Variants in DEFB1 observed in about 807,000 individuals in gnomAD.
DEFB1 encodes the protein beta-defensin 1.
A neutral mutation model predicts 2.6 loss-of-function variants in DEFB1; 4 were observed. The observed-to-expected ratio is 1.53, with a 90% CI of 0.76 to 3.51. The LOEUF is 3.51. Among genes scored for constraint, DEFB1 ranks in the 30% most tolerant of loss-of-function variants. DEFB1 has a pLI of 0.01. For synonymous variants in DEFB1, 56 were observed against 28.5 expected, an observed-to-expected ratio of 1.96 and a Z score of -3.07; for missense variants, 162 against 76.9, an observed-to-expected ratio of 2.11 and a Z score of -4.14.
rs150863794 is a variant in DEFB1, at chr8:6,870,809, C to G, written c.79G>C (p.Gly27Arg). The part of the protein sequence containing the change: ...EMASGGNFLT[G>R]LGHRSDHYNC... ...TAATGATCAGATCTGTGGCCAAGGC[C>G]TGTGAGAAAGTTACCACCTGTAAGG... The change falls in exon 2 of 2, where the codon GGC (glycine) becomes CGC (arginine). Residue 27 changes from glycine (G) to arginine (R), a missense_variant. Transcript: ENST00000297439. 48 of 1,613,384 alleles carry G rather than the reference C, an allele frequency of 3.0e-5. No homozygotes were observed. In the East Asian group the frequency reaches 1.1e-3, roughly 36 times the overall value.
intron 1 of DEFB1, among the ~76,000 whole-genome samples, chr8:6,875,430 C>G (rs904165421): frequency 6.6e-6 from 1 of 152,044 alleles, no homozygotes; most frequent in Non-Finnish European, 1.5e-5. Flanking sequence ...TAAGAAAAGA[C>G]AGATAATCCA....
chr8:6,871,491 G>A (rs1189646326), intron 1 of DEFB1, among the ~76,000 whole-genome samples: 4 of 152,114 alleles, frequency 2.6e-5, no homozygotes, highest in East Asian at 3.9e-4. Context: ...TATTCCTGGC[G>A]AGGGACCAGC....
intron 1 of DEFB1, among the ~76,000 whole-genome samples, chr8:6,871,074 TTTC>T (rs1806293554): frequency 1.3e-5 from 2 of 152,222 alleles, no homozygotes; most frequent in African/African-American, 4.8e-5. Context: ...TGAGTGGGGT[TTTC>T]TTCTGCTGAG....
chr8:6,872,794 A>G (rs543890201), intron 1 of DEFB1, among the ~76,000 whole-genome samples: 40 of 152,296 alleles, frequency 2.6e-4, no homozygotes, highest in Non-Finnish European at 5.1e-4. Flanking sequence ...TAATCTCGCC[A>G]TAATGTTGAC....
intron 1 of DEFB1, among the ~76,000 whole-genome samples, chr8:6,874,813 C>G (rs937331376): frequency 6.6e-6 from 1 of 152,028 alleles, no homozygotes; most frequent in Non-Finnish European, 1.5e-5. Flanking sequence ...GAAACCTGCT[C>G]TCTACTAAAA....
At chr8:6,876,859 A>G (rs941526736) in intron 1 of DEFB1, among the ~76,000 whole-genome samples, 3 of 151,380 alleles carry the variant, frequency 2.0e-5, no homozygotes, top group African/African-American at 7.3e-5. Flanking sequence ...AAAAAAAACA[A>G]AAAAACAAAA....
chr8:6,870,928 A>T (rs560541468), intron 1 of DEFB1, 102 bp from the exon 2 acceptor site: 5 of 1,297,808 alleles, frequency 3.9e-6, no homozygotes, highest in South Asian at 1.5e-5. Flanking sequence ...AACACCGGAG[A>T]GTCTTCTCTT....
At chr8:6,873,664 G>A (rs1052118850) in intron 1 of DEFB1, among the ~76,000 whole-genome samples, 8 of 148,012 alleles carry the variant, frequency 5.4e-5, no homozygotes, top group African/African-American at 2.0e-4. Context: ...TGAGACACTG[G>A]GGGCTACTAG....
rs1488627009 is a variant in DEFB1 at position 6,873,682 on chromosome 8, AG to A, written c.62-2857del. On this transcript the variant is annotated intron_variant, in intron 1 of 1. Coordinates refer to ENST00000297439, the MANE Select transcript of DEFB1 (RefSeq NM_005218.4). ...GACACTGGGGGCTACTAGAGGGGAA[AG>A]GAGGCAGAGGAGTGTGGAAAACTAA... Among the ~76,000 whole-genome samples the A allele has an allele frequency of 9.9e-5, 15 of 151,748 alleles. No homozygotes were observed. In the East Asian group the frequency reaches 2.9e-3, roughly 29 times the overall value.
chr8:6,877,413 C>G (rs1423436048), intron 1 of DEFB1, among the ~76,000 whole-genome samples: 3 of 152,218 alleles, frequency 2.0e-5, no homozygotes, highest in Non-Finnish European at 4.4e-5. Flanking sequence ...GGAGGCTGCA[C>G]CCAGTGACGT....
Position 6,870,673 on chromosome 8 carries a change from C to T in DEFB1, c.*8G>A, listed in dbSNP as rs1464946404. On this transcript the variant is annotated 3_prime_UTR_variant, in exon 2 of 2. Transcript: ENST00000297439. ...ACTTCTGCGTCATTTCTTCTGGTCA[C>T]TCCCAGCTCACTTGCAGCACTTGGC... 11 of 1,612,578 alleles carry T rather than the reference C, an allele frequency of 6.8e-6. No individual in the cohort carries two copies. The highest frequency in any genetic ancestry group is 1.6e-4 in the Middle Eastern group (1 of 6,068).
At chr8:6,872,601 T>C (rs1455061497) in intron 1 of DEFB1, among the ~76,000 whole-genome samples, 1 of 152,156 alleles carries the variant, frequency 6.6e-6, no homozygotes, top group Non-Finnish European at 1.5e-5. Context: ...TTTTTTTGTG[T>C]TGCTGTGGAG....
At chr8:6,877,663 C>T (rs1806582085) in intron 1 of DEFB1, 134 bp downstream of exon 1, 8 of 767,136 alleles carry the variant, frequency 1.0e-5, no homozygotes, top group Non-Finnish European at 6.4e-6. Flanking sequence ...AACTGCAGGC[C>T]ACTCAACCAC....
At chr8:6,876,199 G>A (rs5743441) in intron 1 of DEFB1, among the ~76,000 whole-genome samples, 2,688 of 152,244 alleles carry the variant, frequency 0.018, 32 homozygotes, top group South Asian at 0.037. Context: ...AACATGGGCT[G>A]GGCGTGGTGG....
At chr8:6,876,081 T>C (rs1410978538) in intron 1 of DEFB1, among the ~76,000 whole-genome samples, 1 of 152,210 alleles carries the variant, frequency 6.6e-6, no homozygotes, top group Non-Finnish European at 1.5e-5. Flanking sequence ...TTCTCACTGC[T>C]ACTCAGTAAA....
At chr8:6,875,110 C>CACACACACA (rs1563397732) in intron 1 of DEFB1, among the ~76,000 whole-genome samples, 3 of 143,236 alleles carry the variant, frequency 2.1e-5, no homozygotes, top group African/African-American at 8.0e-5. Flanking sequence ...ACACACACAC[C>CACACACACA]CCATTGCCAG....
intron 1 of DEFB1, among the ~76,000 whole-genome samples, chr8:6,874,384 A>C (rs1362748331): frequency 1.3e-5 from 2 of 152,244 alleles, no homozygotes; most frequent in African/African-American, 2.4e-5. Context: ...TTCTGGTTCA[A>C]CCAAATACCA....
At position 6,870,734 on chromosome 8, in the gene DEFB1, A is replaced by G; in HGVS notation, c.154T>C (p.Phe52Leu). ...GQCLYSACPI[F>L]TKIQGTCYRG... ...TAACAGGTGCCTTGAATTTTGGTAA[A>G]GATCGGGCAGGCAGAATAGAGACAT... Residue 52 changes from phenylalanine (F) to leucine (L), a missense_variant, in exon 2 of 2, where the codon TTT becomes CTT. Coordinates refer to ENST00000297439, the MANE Select transcript of DEFB1 (RefSeq NM_005218.4). The G allele has an allele frequency of 6.2e-7, 1 of 1,614,224 alleles. No homozygotes were observed. The highest frequency in any genetic ancestry group is 8.5e-7 in the Non-Finnish European group (1 of 1,180,050).
chr8:6,870,849 C>T (rs375645673), intron 1 of DEFB1, 23 bp from the exon 2 acceptor site: 35 of 1,588,924 alleles, frequency 2.2e-5, no homozygotes, highest in Non-Finnish European at 2.9e-5. Flanking sequence ...AACACAAACA[C>T]TTCAGACTCA....
Sources: gnomAD v4.1 joint callset for allele counts (sites outside exome capture counted in the v4.1 genomes callset) on GRCh38, gnomAD v4.1.1 for gene constraint, MANE v1.5 for transcripts, NCBI Gene and HGNC (gene_info 2026-07-23, HGNC 2026-07-21) for gene names.